KLF7: variants seen among roughly 807,000 people sequenced by gnomAD.
The protein encoded by KLF7 is KLF transcription factor 7.
KLF7 carries 2 observed loss-of-function variants against 27.3 expected under a neutral mutation model. The ratio of observed to expected loss-of-function variants is 0.07; its 90% CI spans 0.03 to 0.23. KLF7 has a LOEUF of 0.23. KLF7 is among the 10% of genes least tolerant of loss of function. KLF7 has a pLI of 1.00. For synonymous variants in KLF7, 165 were observed against 162.4 expected, an observed-to-expected ratio of 1.02 and a Z score of -0.12; for missense variants, 221 against 394.1, an observed-to-expected ratio of 0.56 and a Z score of 3.72.
chr2:207,160,106 C>T (rs2106138326), intron 1 of KLF7, among the ~76,000 whole-genome samples: 1 of 152,264 alleles, frequency 6.6e-6, no homozygotes, highest in South Asian at 2.1e-4. Context: ...GTCAATGTTA[C>T]ATGTAACATG....
chr2:207,150,803 T>C (rs959977186), intron 1 of KLF7, among the ~76,000 whole-genome samples: 1 of 152,164 alleles, frequency 6.6e-6, no homozygotes, highest in Admixed American at 6.5e-5. Context: ...CATTCCCCTA[T>C]TGTTTTCATT....
chr2:207,144,047 T>C (rs1225124919), intron 1 of KLF7, among the ~76,000 whole-genome samples: 1 of 147,222 alleles, frequency 6.8e-6, no homozygotes, highest in African/African-American at 2.5e-5. Flanking sequence ...GAAAGCATGC[T>C]TCATTAGAGT....
Position 207,079,060 on chromosome 2 carries a change from ATTTTGTTTTTTT to A in KLF7, c.*2141_*2152del, listed in dbSNP as rs1001882550. 8 of 65,274 alleles carry A rather than the reference ATTTTGTTTTTTT, an allele frequency of 1.2e-4. No homozygotes were observed. The highest frequency in any genetic ancestry group is 2.5e-4 in the East Asian group (1 of 3,944). 4.0% of individuals were successfully genotyped at this position (65,274 alleles called of 1,614,324 possible). ...CTTTCTTTTTTTTTCGTTTTGTATT[ATTTTGTTTTTTT>A]TTTTGTTTTTGTTTTTGTTTTTTTT... On this transcript the variant is annotated 3_prime_UTR_variant, in exon 4 of 4. Transcript: ENST00000309446.
In KLF7 at chr2:207,076,167, C is replaced by T. The variant is rs774411632; in HGVS notation, c.*5046G>A. ...GCATGTCTAGGTGCGAGCATATATACCACCCTCATTATGCTGACGTGGGGT... is the reference window on the plus strand; with the variant it reads ...GCATGTCTAGGTGCGAGCATATATATCACCCTCATTATGCTGACGTGGGGT... On this transcript the variant is annotated 3_prime_UTR_variant, in exon 4 of 4. Coordinates refer to ENST00000309446, the MANE Select transcript of KLF7 (RefSeq NM_003709.4). 2.6e-5 allele frequency: 4 copies of T among 152,030 alleles called. No individual in the cohort carries two copies. Among genetic ancestry groups the T allele is most frequent in the Admixed American group, 6.6e-5 (1 of 15,258 alleles). 9.4% of individuals were successfully genotyped at this position (152,030 alleles called of 1,614,324 possible).
At chr2:207,128,131 A>G (rs2077531729) in intron 1 of KLF7, among the ~76,000 whole-genome samples, 1 of 152,212 alleles carries the variant, frequency 6.6e-6, no homozygotes, top group African/African-American at 2.4e-5. Flanking sequence ...TGGAACAATG[A>G]AAATAAAAGT....
intron 2 of KLF7, among the ~76,000 whole-genome samples, chr2:207,098,310 G>A (rs62188618): frequency 0.093 from 14,198 of 152,026 alleles, 761 homozygotes; most frequent in Non-Finnish European, 0.12. Flanking sequence ...TAAAAGCTAG[G>A]TATATACTAA....
At chr2:207,168,572 A>G (rs533610681), upstream of KLF7, among the ~76,000 whole-genome samples, 5 of 152,298 alleles carry the variant, frequency 3.3e-5, no homozygotes, top group African/African-American at 1.2e-4. Flanking sequence ...TGTGTTTACA[A>G]AAATTGCTTG....
Position 207,165,880 on chromosome 2 carries a change from G to C in KLF7, c.-312C>G. 1 of 1,186,044 alleles carries C rather than the reference G, an allele frequency of 8.4e-7. No homozygotes were observed. Among genetic ancestry groups the C allele is most frequent in the Non-Finnish European group, 1.1e-6 (1 of 951,884 alleles). 73.5% of individuals were successfully genotyped at this position (1,186,044 alleles called of 1,614,324 possible). A position where few individuals can be genotyped will look rare whatever the true frequency, so the allele number is the denominator to read the frequency against. ...CCCTTCCAGGGCTCTAATCACTCCA[G>C]CTCGTGGATCAGGAAGGGGGATGCA... On this transcript the variant is annotated 5_prime_UTR_variant, in exon 1 of 4. Transcript: ENST00000309446.
chr2:207,146,834 G>A (rs547183721), intron 1 of KLF7, among the ~76,000 whole-genome samples: 16 of 152,340 alleles, frequency 1.1e-4, no homozygotes, highest in African/African-American at 3.6e-4. Flanking sequence ...TTCCATGGGG[G>A]AAGCAGCTTG....
chr2:207,160,104 T>C (rs532223760), intron 1 of KLF7, among the ~76,000 whole-genome samples: 1 of 152,208 alleles, frequency 6.6e-6, no homozygotes, highest in Non-Finnish European at 1.5e-5. Flanking sequence ...TTGTCAATGT[T>C]ACATGTAACA....
chr2:207,101,031 G>A (rs1416910239), intron 2 of KLF7, among the ~76,000 whole-genome samples: 6 of 152,180 alleles, frequency 3.9e-5, no homozygotes, highest in Admixed American at 3.3e-4. Flanking sequence ...CCAACAGCAC[G>A]AAAAGTTTTG....
rs146214308 is a variant in KLF7 at position 207,138,844 on chromosome 2, T to C, written c.103-14440A>G. Among the ~76,000 whole-genome samples the C allele has an allele frequency of 6.6e-3, 1,002 of 152,356 alleles. 7 individuals carry two copies. The highest frequency in any genetic ancestry group is 8.5e-3 in the Non-Finnish European group (581 of 68,026). ...CCTGGAATGTAGGCCCCAGCAGAGC[T>C]GCTGCCTTAAATAAGGAGATATTTC... On this transcript the variant is annotated intron_variant, in intron 1 of 3. Transcript: ENST00000309446.
chr2:207,103,040 G>T (rs2076804416), intron 2 of KLF7, among the ~76,000 whole-genome samples: 1 of 152,112 alleles, frequency 6.6e-6, no homozygotes, highest in Non-Finnish European at 1.5e-5. Flanking sequence ...TGATTCTCCT[G>T]CCTCAGCCTC....
At chr2:207,133,175 A>C (rs1158362554) in intron 1 of KLF7, among the ~76,000 whole-genome samples, 1 of 152,186 alleles carries the variant, frequency 6.6e-6, no homozygotes, top group Non-Finnish European at 1.5e-5. Flanking sequence ...CCAGGCCCCT[A>C]TTCAGGTTGG....
Position 207,081,045 on chromosome 2 carries a change from C to T in KLF7, c.*168G>A. 1 of 661,680 alleles carries T rather than the reference C, an allele frequency of 1.5e-6. No individual in the cohort carries two copies. The highest frequency in any genetic ancestry group is 1.7e-5 in the South Asian group (1 of 57,172). The allele number at this position is 661,680 out of a possible 1,614,324, so 41.0% of individuals were successfully genotyped here. A position where few individuals can be genotyped will look rare whatever the true frequency, so the allele number is the denominator to read the frequency against. On this transcript the variant is annotated 3_prime_UTR_variant, in exon 4 of 4. Coordinates refer to ENST00000309446, the MANE Select transcript of KLF7 (RefSeq NM_003709.4). ...CATGACAGTGTGTATGTGTGTGGGT[C>T]TGTGAGTGTGTGTATATGTGTGTGT...
intron 2 of KLF7, among the ~76,000 whole-genome samples, chr2:207,105,249 T>C (rs1197842475): frequency 6.6e-6 from 1 of 152,216 alleles, no homozygotes; most frequent in Non-Finnish European, 1.5e-5. Context: ...CATTTCTACC[T>C]GCCGCCCCTT....
chr2:207,086,359 T>G (rs1217200313), intron 3 of KLF7, among the ~76,000 whole-genome samples: 2 of 152,212 alleles, frequency 1.3e-5, no homozygotes, highest in African/African-American at 2.4e-5. Context: ...GTCACCGTAA[T>G]TGAAACGCCA....
At position 207,165,934 on chromosome 2, in the gene KLF7, T is replaced by C; in HGVS notation, c.-366A>G. ...TCACTGACACGAAGCTGCCATCTAT[T>C]TCTGCAGCGCTGTTCGCTCCTAATG... On this transcript the variant is annotated 5_prime_UTR_variant, in exon 1 of 4. Transcript: ENST00000309446. 1 of 1,079,338 alleles carries C rather than the reference T, an allele frequency of 9.3e-7. No individual in the cohort carries two copies. The highest frequency in any genetic ancestry group is 1.1e-6 in the Non-Finnish European group (1 of 886,346). 66.9% of individuals were successfully genotyped at this position (1,079,338 alleles called of 1,614,324 possible).
chr2:207,124,630 A>T (rs1460841012), intron 1 of KLF7, among the ~76,000 whole-genome samples: 1 of 152,202 alleles, frequency 6.6e-6, no homozygotes, highest in Non-Finnish European at 1.5e-5. Context: ...GAAGGAGAAC[A>T]AGAGCCCCAG....
Sources: gnomAD v4.1 joint callset for allele counts (sites outside exome capture counted in the v4.1 genomes callset) on GRCh38, gnomAD v4.1.1 for gene constraint, MANE v1.5 for transcripts, NCBI Gene and HGNC (gene_info 2026-07-23, HGNC 2026-07-21) for gene names.